The following HMX1 variants were observed in gnomAD, a reference collection of about 807,000 sequenced individuals.
The protein encoded by HMX1 is homeobox protein HMX1.
A neutral mutation model predicts 8.9 loss-of-function variants in HMX1; 8 were observed. That is an observed-to-expected ratio of 0.90 (90% CI 0.53 to 1.63). The LOEUF (loss-of-function observed/expected upper bound fraction) is 1.63. HMX1 is among the 40% of genes most tolerant of loss of function. The probability of loss-of-function intolerance (pLI) is 0.00; values close to 1 mark genes in which losing one functional copy is unlikely to be tolerated. For synonymous variants in HMX1, 311 were observed against 283.4 expected (o/e 1.10, Z -0.98); for missense variants, 621 against 558.5 (o/e 1.11, Z -1.13).
rs546905393 is a variant in HMX1, at chr4:8,868,889, C to T, written c.395-544G>A. 2.6e-5 allele frequency among the ~76,000 whole-genome samples: 4 copies of T among 152,220 alleles called. No individual in the cohort carries two copies. Among genetic ancestry groups the T allele is most frequent in the Admixed American group, 6.5e-5 (1 of 15,288 alleles). On this transcript the variant is annotated intron_variant, in intron 1 of 1. Coordinates refer to ENST00000400677, the MANE Select transcript of HMX1 (RefSeq NM_018942.3). The surrounding 1 kb of genome is among the most constrained non-coding windows in gnomAD (Gnocchi z 4.6). ...AATGAAGAGTTCACAGGCCTCTTCC[C>T]GCGCCCTCTGCCCGCTTGCACAGAA...
chr4:8,852,238 G>A (rs1029003255), intron 1 of HMX1, among the ~76,000 whole-genome samples: 2 of 152,254 alleles, frequency 1.3e-5, no homozygotes, highest in Non-Finnish European at 2.9e-5. Context: ...GATGGGCTCA[G>A]CCAGCAAGGC....
At chr4:8,864,486 A>G (rs1227238548), downstream of HMX1, among the ~76,000 whole-genome samples, 1 of 152,150 alleles carries the variant, frequency 6.6e-6, no homozygotes, top group East Asian at 1.9e-4. Flanking sequence ...GAAGCCATTC[A>G]TCTTCTGCCA....
intron 1 of HMX1, among the ~76,000 whole-genome samples, chr4:8,869,968 A>T (rs1220701342): frequency 6.6e-6 from 1 of 152,028 alleles, no homozygotes. Flanking sequence ...CTGGGAAACC[A>T]CGGAAGCCCT....
At chr4:8,861,236 A>G (rs1271685428) in intron 1 of HMX1, among the ~76,000 whole-genome samples, 1 of 151,954 alleles carries the variant, frequency 6.6e-6, no homozygotes, top group African/African-American at 2.4e-5. Flanking sequence ...CCAGGGCCCC[A>G]GCGGGGCAGG....
At position 8,871,064 on chromosome 4, in the gene HMX1, A is replaced by G. The variant is rs571225188; in HGVS notation, c.394+157T>C. 3.5e-5 allele frequency among the ~76,000 whole-genome samples: 4 copies of G among 114,568 alleles called. No homozygotes were observed. The East Asian group carries it at 8.3e-4, about 24-fold the overall frequency. The allele number at this position is 114,568 out of a possible 152,430, so 75.2% of individuals were successfully genotyped here. A position where few individuals can be genotyped will look rare whatever the true frequency, so the allele number is the denominator to read the frequency against. ...GGTGGGCCTCCAAACCAGCCCAACC[A>G]GGGGCTCCTGGGGGCCCCACAAGGC... On this transcript the variant is annotated intron_variant, in intron 1 of 1. Coordinates refer to ENST00000400677, the MANE Select transcript of HMX1 (RefSeq NM_018942.3). This position sits in a 1 kb window ranked among gnomAD's most constrained non-coding sequence, Gnocchi z 4.8.
At chr4:8,860,950 C>A (rs1721786367) in intron 1 of HMX1, 1 of 91,444 alleles carries the variant, frequency 1.1e-5, no homozygotes, top group East Asian at 3.9e-4. Context: ...CCAGGTGAGC[C>A]GGGCGGGGGC....
At chr4:8,846,736 C>T (rs1268016925) in intron 1 of HMX1, among the ~76,000 whole-genome samples, 1 of 152,004 alleles carries the variant, frequency 6.6e-6, no homozygotes, top group Non-Finnish European at 1.5e-5. Context: ...GAACCATACA[C>T]GGAGCTCCTA....
At chr4:8,852,587 T>C (rs939003517) in intron 1 of HMX1, among the ~76,000 whole-genome samples, 3 of 151,240 alleles carry the variant, frequency 2.0e-5, no homozygotes, top group Admixed American at 6.6e-5. Context: ...ATCCCACCCC[T>C]GTGTCTGAGC....
chr4:8,857,374 C>T (rs1216943706), intron 1 of HMX1, among the ~76,000 whole-genome samples: 1 of 152,146 alleles, frequency 6.6e-6, no homozygotes, highest in Non-Finnish European at 1.5e-5. Flanking sequence ...CCGTGGGGCC[C>T]CCTCCCCAGG....
At position 8,867,550 on chromosome 4, in the gene HMX1, C is replaced by T. The variant is rs1722044097; in HGVS notation, c.*143G>A. On this transcript the variant is annotated 3_prime_UTR_variant, in exon 2 of 2. Transcript: ENST00000400677. ...CCACAGAAGCTGAGGCCCGCCCGGC[C>T]GCGGCCTGCGCTCCCGAGGTATCTA... The T allele has an allele frequency of 8.4e-6, 10 of 1,188,382 alleles. No homozygotes were observed. In the Admixed American group the frequency reaches 1.8e-4, roughly 21 times the overall value. The allele number at this position is 1,188,382 out of a possible 1,614,324, so 73.6% of individuals were successfully genotyped here.
chr4:8,851,490 C>T (rs1488656016), intron 1 of HMX1, among the ~76,000 whole-genome samples: 1 of 152,192 alleles, frequency 6.6e-6, no homozygotes, highest in African/African-American at 2.4e-5. Flanking sequence ...GGTTCATCAC[C>T]GGTCGGGGCA....
chr4:8,866,990 C>A (rs367765360), downstream of HMX1: 3 of 841,194 alleles, frequency 3.6e-6, no homozygotes, highest in South Asian at 1.1e-4. Context: ...CCAGGAGGGA[C>A]GGCACCCAGC....
At chr4:8,850,291 A>G (rs529217375) in intron 1 of HMX1, among the ~76,000 whole-genome samples, 2 of 152,234 alleles carry the variant, frequency 1.3e-5, no homozygotes, top group Non-Finnish European at 2.9e-5. Context: ...GCCTCTGCAC[A>G]GTGTGGGAGT....
intron 1 of HMX1, among the ~76,000 whole-genome samples, chr4:8,869,425 T>G (rs1722137569): frequency 6.6e-6 from 1 of 152,184 alleles, no homozygotes; most frequent in South Asian, 2.1e-4. Flanking sequence ...GTTGACAGGT[T>G]AGAGGTGGAG....
At position 8,867,681 on chromosome 4, in the gene HMX1, G is replaced by C. The variant is rs1365650951; in HGVS notation, c.*12C>G. ...CCACAGGGTCGTGGGGAGAGGGCCC[G>C]GCAGGCGGGGCTCACACCAGGCCAG... On this transcript the variant is annotated 3_prime_UTR_variant, in exon 2 of 2. Coordinates refer to ENST00000400677, the MANE Select transcript of HMX1 (RefSeq NM_018942.3). 2.4e-6 allele frequency: 3 copies of C among 1,242,926 alleles called. No homozygotes were observed. Among genetic ancestry groups the C allele is most frequent in the Non-Finnish European group, 1.0e-6 (1 of 994,776 alleles). 77.0% of individuals were successfully genotyped at this position (1,242,926 alleles called of 1,614,324 possible).
chr4:8,846,633 G>T (rs1721284747), intron 1 of HMX1, among the ~76,000 whole-genome samples: 1 of 152,154 alleles, frequency 6.6e-6, no homozygotes, highest in Admixed American at 6.5e-5. Context: ...AACCCCATGA[G>T]TCCTGAGCAG....
Position 8,870,546 on chromosome 4 carries a change from A to G in HMX1, c.394+675T>C, listed in dbSNP as rs1260883745. On this transcript the variant is annotated intron_variant, in intron 1 of 1. Coordinates refer to ENST00000400677, the MANE Select transcript of HMX1 (RefSeq NM_018942.3). This position sits in a 1 kb window ranked among gnomAD's most constrained non-coding sequence, Gnocchi z 4.4. ...CTGGCACAGCCCATGCCCCTCAAGG[A>G]CCAAGAGGGAGACCCAGGCCCCTGC... Among the ~76,000 whole-genome samples the G allele has an allele frequency of 6.6e-6, 1 of 152,046 alleles. No homozygotes were observed. The highest frequency in any genetic ancestry group is 1.5e-5 in the Non-Finnish European group (1 of 67,980).
intron 1 of HMX1, among the ~76,000 whole-genome samples, chr4:8,852,220 A>C (rs1456627754): frequency 6.6e-6 from 1 of 152,216 alleles, no homozygotes. Flanking sequence ...TTTGTAATAA[A>C]AATAACAGAT....
Position 8,849,567 on chromosome 4 carries a change from AT to A in HMX1, c.395-3244del, listed in dbSNP as rs1721381080. ...CAGAACTGCAAGATAAAACATTTCA[AT>A]TGTCTGAAGCCCATTGCCTGTGGCC... On this transcript the variant is annotated intron_variant, in intron 1 of 1. Transcript: ENST00000506970. This position sits in a 1 kb window ranked among gnomAD's most constrained non-coding sequence, Gnocchi z 6.6. Among the ~76,000 whole-genome samples, 4 of 152,072 alleles carry A rather than the reference AT, an allele frequency of 2.6e-5. No individual in the cohort carries two copies. In the South Asian group the frequency reaches 8.3e-4, roughly 31 times the overall value.
Sources: gnomAD v4.1 joint callset for allele counts (sites outside exome capture counted in the v4.1 genomes callset) on GRCh38, gnomAD v4.1.1 for gene constraint, Gnocchi (gnomAD v3.1) non-coding constraint, MANE v1.5 for transcripts, NCBI Gene and HGNC (gene_info 2026-07-23, HGNC 2026-07-21) for gene names.